The following LRFN4 variants were observed in gnomAD, a reference collection of about 807,000 sequenced individuals.
LRFN4 encodes leucine-rich repeat and fibronectin type-III domain-containing protein 4.
A neutral mutation model predicts 29.0 loss-of-function variants in LRFN4; 10 were observed. That is an observed-to-expected ratio of 0.35 (90% CI 0.21 to 0.59). The LOEUF (loss-of-function observed/expected upper bound fraction) is 0.59. Ranked by LOEUF, LRFN4 falls within the 20% of genes least tolerant of loss-of-function variation. The probability of loss-of-function intolerance (pLI) is 0.82; values close to 1 mark genes in which losing one functional copy is unlikely to be tolerated. For synonymous variants in LRFN4, 493 were observed against 437.0 expected (o/e 1.13, Z -1.60); for missense variants, 850 against 907.9 (o/e 0.94, Z 0.82).
chr11:66,857,693 C>T lies in LRFN4; in HGVS notation c.-52C>T, dbSNP rs193236165. ...TGTCCTGGGCCCAAGTGGGCACCTG[C>T]GCCAGCCCCACCTGTGCCTGGGCTG... On this transcript the variant is annotated 5_prime_UTR_variant, in exon 1 of 2. Transcript: ENST00000309602. This position sits in a 1 kb window ranked among gnomAD's most constrained non-coding sequence, Gnocchi z 7.1. The T allele has an allele frequency of 1.8e-3, 2,689 of 1,533,884 alleles. 52 individuals are homozygous for T. In the African/African-American group the frequency reaches 0.031, roughly 18 times the overall value.
At position 66,858,889 on chromosome 11, in the gene LRFN4, G is replaced by C. The variant is rs779202810; in HGVS notation, c.1145G>C (p.Gly382Ala). The change falls in exon 1 of 2, where the codon GGC becomes GCC. Residue 382 changes from glycine (G) to alanine (A), a missense_variant. By Grantham distance (60) the Gly-to-Ala change is moderately conservative. Coordinates refer to ENST00000309602, the MANE Select transcript of LRFN4 (RefSeq NM_024036.5). The surrounding 1 kb of genome is among the most constrained non-coding windows in gnomAD (Gnocchi z 5.9). ...GGTGGGAACAGCAGTGCCGAGGGGG[G>C]CCGCCCCGGGCCCTCGGACATCGCC... Reference protein sequence around the residue: ...PHGGNSSAEGGRPGPSDIAAS... With the variant: ...PHGGNSSAEGARPGPSDIAAS... The C allele has an allele frequency of 8.4e-4, 1,302 of 1,553,052 alleles. 2 individuals are homozygous for C. The highest frequency in any genetic ancestry group is 2.0e-3 in the Admixed American group (103 of 52,096).
chr11:66,859,575 G>T, intron 1 of LRFN4, 62 bp from the exon 2 acceptor site: 6 of 1,602,552 alleles, frequency 3.7e-6, no homozygotes, highest in Non-Finnish European at 5.1e-6. Flanking sequence ...GCACGGGAGT[G>T]GGGAGGTGAG....
rs1303164504 is a variant in LRFN4 at position 66,860,201 on chromosome 11, G to A, written c.*6G>A. ...TGGAAGAGAGTGTGGTGTGATGGAC[G>A]GGCAGCTTCCTGTGTGCTCCAAGGG... On this transcript the variant is annotated 3_prime_UTR_variant, in exon 2 of 2. Coordinates refer to ENST00000309602, the MANE Select transcript of LRFN4 (RefSeq NM_024036.5). The A allele has an allele frequency of 5.8e-6, 9 of 1,542,982 alleles. No individual in the cohort carries two copies. The highest frequency in any genetic ancestry group is 4.1e-5 in the African/African-American group (3 of 73,112).
Position 66,859,721 on chromosome 11 carries a change from A to C in LRFN4, c.1434A>C (p.Ser478=), listed in dbSNP as rs1339515590. ...ADYDLCLLAL[S]PAAGPSDLTA... is the part of the protein sequence containing the mutation. ...ATGACCTCTGCCTGCTGGCCTTGTCACCGGCCGCTGGGCCCTCTGACCTCA... is the reference window on the plus strand; with the variant it reads ...ATGACCTCTGCCTGCTGGCCTTGTCCCCGGCCGCTGGGCCCTCTGACCTCA... Residue 478 remains serine (S), a synonymous_variant, in exon 2 of 2, where the codon TCA becomes TCC. Coordinates refer to ENST00000309602, the MANE Select transcript of LRFN4 (RefSeq NM_024036.5). 6.2e-7 allele frequency: 1 copy of C among 1,611,400 alleles called. No homozygotes were observed.
chr11:66,858,355 G>A lies in LRFN4; in HGVS notation c.611G>A (p.Arg204His), dbSNP rs761099728. The stretch of plus-strand genomic sequence containing the variant: ...TCCCGCCTGGACCTCACCTCCAACC[G>A]CCTGGCCACGCTGGCTCCGGACCCG... ...QLSRLDLTSN[R>H]LATLAPDPLF... The change falls in exon 1 of 2, where the codon CGC (arginine) becomes CAC (histidine). Residue 204 changes from arginine to histidine, a missense_variant. Arg to His is a conservative substitution (Grantham distance 29). Coordinates refer to ENST00000309602, the MANE Select transcript of LRFN4 (RefSeq NM_024036.5). This position sits in a 1 kb window ranked among gnomAD's most constrained non-coding sequence, Gnocchi z 5.9. 6.3e-6 allele frequency: 10 copies of A among 1,597,202 alleles called. No individual in the cohort carries two copies. The highest frequency in any genetic ancestry group is 8.5e-6 in the Non-Finnish European group (10 of 1,175,480).
At chr11:66,859,490 C>T in intron 1 of LRFN4, 147 bp from the exon 2 acceptor site, 5 of 1,465,836 alleles carry the variant, frequency 3.4e-6, no homozygotes, top group Non-Finnish European at 4.5e-6. Context: ...TGGCCACACT[C>T]TCCAGCCTGT....
chr11:66,859,488 C>G, intron 1 of LRFN4, 149 bp from the exon 2 acceptor site: 1 of 1,452,714 alleles, frequency 6.9e-7, no homozygotes, highest in Non-Finnish European at 9.1e-7. Flanking sequence ...CCTGGCCACA[C>G]TCTCCAGCCT....
chr11:66,858,127 G>A lies in LRFN4; in HGVS notation c.383G>A (p.Ser128Asn). 1 of 1,610,632 alleles carries A rather than the reference G, an allele frequency of 6.2e-7. No individual in the cohort carries two copies. Among genetic ancestry groups the A allele is most frequent in the Non-Finnish European group, 8.5e-7 (1 of 1,178,854 alleles). Residue 128 changes from serine (S) to asparagine (N), a missense_variant, in exon 1 of 2, where the codon AGC (serine) becomes AAC (asparagine). This residue lies in a region of LRFN4 where 744 missense variants were observed against 753.8 expected (regional missense o/e 0.99). Coordinates refer to ENST00000309602, the MANE Select transcript of LRFN4 (RefSeq NM_024036.5). This position sits in a 1 kb window ranked among gnomAD's most constrained non-coding sequence, Gnocchi z 5.9. Reference protein sequence around the residue: ...GPVNLQHLILSGNQLGRIAPG... With the variant: ...GPVNLQHLILNGNQLGRIAPG... ...GTCAATCTGCAGCACCTCATCCTCA[G>A]CGGCAACCAGCTGGGCCGCATCGCG...
chr11:66,858,151 C>G lies in LRFN4; in HGVS notation c.407C>G (p.Ala136Gly). The G allele has an allele frequency of 6.2e-7, 1 of 1,610,798 alleles. No homozygotes were observed. Among genetic ancestry groups the G allele is most frequent in the Non-Finnish European group, 8.5e-7 (1 of 1,178,848 alleles). ...AGCGGCAACCAGCTGGGCCGCATCG[C>G]GCCGGGAGCCTTCGACGACTTCCTA... is the stretch of plus-strand genomic sequence containing the variant. Reference protein sequence around the residue: ...ILSGNQLGRIAPGAFDDFLES... With the variant: ...ILSGNQLGRIGPGAFDDFLES... The change falls in exon 1 of 2, where the codon GCG becomes GGG. Residue 136 changes from alanine (A) to glycine (G), a missense_variant. Around this residue, in one of 2 missense-constraint regions of LRFN4, gnomAD observed 744 missense variants for 753.8 expected, o/e 0.99. Coordinates refer to ENST00000309602, the MANE Select transcript of LRFN4 (RefSeq NM_024036.5). This position sits in a 1 kb window ranked among gnomAD's most constrained non-coding sequence, Gnocchi z 5.9.
rs890380767 is a variant in LRFN4 at position 66,857,602 on chromosome 11, C to A, written c.-143C>A. ...GGCCCCAACCTTCCCTCATCTCTGG[C>A]GGCCCTCTTGGGCCTCTGACCCAGC... On this transcript the variant is annotated 5_prime_UTR_variant, in exon 1 of 2. Transcript: ENST00000309602. This position sits in a 1 kb window ranked among gnomAD's most constrained non-coding sequence, Gnocchi z 7.1. The A allele has an allele frequency of 3.5e-6, 3 of 853,450 alleles. No individual in the cohort carries two copies. The highest frequency in any genetic ancestry group is 5.3e-6 in the Non-Finnish European group (3 of 570,112). 52.9% of individuals were successfully genotyped at this position (853,450 alleles called of 1,614,324 possible).
Position 66,859,911 on chromosome 11 carries a change from C to G in LRFN4, c.1624C>G (p.Arg542Gly), listed in dbSNP as rs533888035. ...VFTVALLVRGRGAGNGRLPLK... is the reference protein window; with the variant it reads ...VFTVALLVRGGGAGNGRLPLK... The stretch of plus-strand genomic sequence containing the variant: ...CACTGTGGCCTTGCTGGTTCGGGGC[C>G]GGGGGGCCGGAAATGGCCGCCTCCC... The change falls in exon 2 of 2, where the codon CGG (arginine) becomes GGG (glycine). Residue 542 changes from arginine to glycine, a missense_variant. This residue lies in a region of LRFN4 where 744 missense variants were observed against 753.8 expected (regional missense o/e 0.99). Coordinates refer to ENST00000309602, the MANE Select transcript of LRFN4 (RefSeq NM_024036.5). 2 of 1,581,406 alleles carry G rather than the reference C, an allele frequency of 1.3e-6. No homozygotes were observed. Among genetic ancestry groups the G allele is most frequent in the South Asian group, 1.2e-5 (1 of 85,412 alleles).
rs1309885718 is a variant in LRFN4, at chr11:66,858,875, C to G, written c.1131C>G (p.Ser377Arg). The change falls in exon 1 of 2, where the codon AGC becomes AGG. Residue 377 changes from serine (S) to arginine (R), a missense_variant. Ser to Arg is a moderately radical substitution (Grantham distance 110). Transcript: ENST00000309602. The surrounding 1 kb of genome is among the most constrained non-coding windows in gnomAD (Gnocchi z 5.9). ...RVLALPHGGN[S>R]SAEGGRPGPS... ...TGGCCTTGCCCCATGGTGGGAACAG[C>G]AGTGCCGAGGGGGGCCGCCCCGGGC... 6.4e-7 allele frequency: 1 copy of G among 1,556,400 alleles called. No homozygotes were observed. The highest frequency in any genetic ancestry group is 1.2e-5 in the South Asian group (1 of 86,178).
Position 66,859,879 on chromosome 11 carries a change from T to C in LRFN4, c.1592T>C (p.Leu531Pro). The C allele has an allele frequency of 1.3e-6, 2 of 1,564,370 alleles. No homozygotes were observed. Among genetic ancestry groups the C allele is most frequent in the Non-Finnish European group, 1.7e-6 (2 of 1,155,846 alleles). The change falls in exon 2 of 2, where the codon CTG becomes CCG. Residue 531 changes from leucine to proline, a missense_variant. Physicochemically the swap from Leu to Pro is moderately conservative, Grantham distance 98 (BLOSUM62 -3). This residue lies in a region of LRFN4 where 744 missense variants were observed against 753.8 expected (regional missense o/e 0.99). Coordinates refer to ENST00000309602, the MANE Select transcript of LRFN4 (RefSeq NM_024036.5). ...GGGGGTGTGCTGGTGGCTGCCTTACTGGTCTTCACTGTGGCCTTGCTGGTT... is the reference window on the plus strand; with the variant it reads ...GGGGGTGTGCTGGTGGCTGCCTTACCGGTCTTCACTGTGGCCTTGCTGGTT... ...AVGGVLVAAL[L>P]VFTVALLVRG...
In LRFN4 at chr11:66,857,612, G is replaced by A; in HGVS notation, c.-133G>A. On this transcript the variant is annotated 5_prime_UTR_variant, in exon 1 of 2. Transcript: ENST00000309602. The surrounding 1 kb of genome is among the most constrained non-coding windows in gnomAD (Gnocchi z 7.1). ...TTCCCTCATCTCTGGCGGCCCTCTT[G>A]GGCCTCTGACCCAGCCCCTCCCCGG... 4 of 994,516 alleles carry A rather than the reference G, an allele frequency of 4.0e-6. No homozygotes were observed. Among genetic ancestry groups the A allele is most frequent in the South Asian group, 3.4e-5 (2 of 58,242 alleles). The allele number at this position is 994,516 out of a possible 1,614,324, so 61.6% of individuals were successfully genotyped here. A position where few individuals can be genotyped will look rare whatever the true frequency, so the allele number is the denominator to read the frequency against.
chr11:66,859,180 C>G, intron 1 of LRFN4, 87 bp downstream of exon 1: 2 of 1,411,868 alleles, frequency 1.4e-6, no homozygotes, highest in South Asian at 3.2e-5. Context: ...TCCACCCCTC[C>G]TCTCTCTGGG....
chr11:66,859,521 A>C, intron 1 of LRFN4, 116 bp from the exon 2 acceptor site: 1 of 1,537,800 alleles, frequency 6.5e-7, no homozygotes, highest in Non-Finnish European at 8.7e-7. Flanking sequence ...GAGTGAACCC[A>C]AGAGCCCGAG....
chr11:66,857,613 G>A lies in LRFN4; in HGVS notation c.-132G>A. The A allele has an allele frequency of 9.9e-7, 1 of 1,013,966 alleles. No individual in the cohort carries two copies. Among genetic ancestry groups the A allele is most frequent in the Non-Finnish European group, 1.4e-6 (1 of 716,110 alleles). 62.8% of individuals were successfully genotyped at this position (1,013,966 alleles called of 1,614,324 possible). A position where few individuals can be genotyped will look rare whatever the true frequency, so the allele number is the denominator to read the frequency against. ...TCCCTCATCTCTGGCGGCCCTCTTG[G>A]GCCTCTGACCCAGCCCCTCCCCGGG... On this transcript the variant is annotated 5_prime_UTR_variant, in exon 1 of 2. Coordinates refer to ENST00000309602, the MANE Select transcript of LRFN4 (RefSeq NM_024036.5). The surrounding 1 kb of genome is among the most constrained non-coding windows in gnomAD (Gnocchi z 7.1).
chr11:66,859,607 C>G (rs766574016), intron 1 of LRFN4, 30 bp from the exon 2 acceptor site: 2 of 1,611,920 alleles, frequency 1.2e-6, no homozygotes, highest in East Asian at 4.5e-5. Context: ...ACCCCAGCCC[C>G]GGGCTCTGAC....
In LRFN4 at chr11:66,858,281, C is replaced by T; in HGVS notation, c.537C>T (p.Asn179=). The T allele has an allele frequency of 6.2e-7, 1 of 1,611,932 alleles. No homozygotes were observed. Among genetic ancestry groups the T allele is most frequent in the Non-Finnish European group, 8.5e-7 (1 of 1,179,920 alleles). The part of the protein sequence containing the change: ...PALHTLNLDH[N]LIDALPPGAF... ...TGCACACCCTCAACCTGGACCATAA[C>T]CTTATTGACGCACTGCCCCCAGGCG... The change falls in exon 1 of 2, where the codon AAC becomes AAT. Residue 179 remains asparagine (N), a synonymous_variant. Coordinates refer to ENST00000309602, the MANE Select transcript of LRFN4 (RefSeq NM_024036.5). The surrounding 1 kb of genome is among the most constrained non-coding windows in gnomAD (Gnocchi z 5.9).
Sources: allele counts gnomAD v4.1 joint callset, GRCh38; gene constraint gnomAD v4.1.1; regional missense constraint gnomAD v4.1.1; non-coding constraint Gnocchi (gnomAD v3.1); transcripts MANE v1.5; gene names NCBI Gene and HGNC (gene_info 2026-07-23, HGNC 2026-07-21).